The following SANBR variants were observed in gnomAD, a reference collection of about 807,000 sequenced individuals.
SANBR encodes SANT and BTB domain regulator of CSR.
In SANBR, 77 loss-of-function variants were observed where a neutral mutation model predicts 101.8. The ratio of observed to expected loss-of-function variants is 0.76; its 90% CI spans 0.63 to 0.91. SANBR has a LOEUF of 0.91. Ranked by LOEUF, SANBR falls within the 40% of genes least tolerant of loss-of-function variation. The probability of loss-of-function intolerance (pLI) is 0.00; values close to 1 mark genes in which losing one functional copy is unlikely to be tolerated. For missense variants in SANBR, 875 were observed against 853.0 expected (o/e 1.03, Z -0.32); for synonymous variants, 279 against 274.7 (o/e 1.02, Z -0.15).
intron 11 of SANBR, among the ~76,000 whole-genome samples, chr2:61,096,516 C>G (rs1573627771): frequency 6.6e-6 from 1 of 152,176 alleles, no homozygotes; most frequent in East Asian, 1.9e-4. Flanking sequence ...GTGGTCTTCC[C>G]CATCGCAAGC....
intron 10 of SANBR, among the ~76,000 whole-genome samples, chr2:61,091,593 CA>C (rs35588752): frequency 0.55 from 73,233 of 133,528 alleles, 18,703 homozygotes; most frequent in Middle Eastern, 0.68. Flanking sequence ...AAACTCCGTC[CA>C]AAAAAAAAAA....
At chr2:61,115,636 C>T (rs1684041367) in intron 16 of SANBR, among the ~76,000 whole-genome samples, 1 of 151,916 alleles carries the variant, frequency 6.6e-6, no homozygotes, top group South Asian at 2.1e-4. Flanking sequence ...TTCTTTCTTA[C>T]AGCTACTTGG....
Position 61,123,050 on chromosome 2 carries a change from G to C in SANBR, c.*888G>C, listed in dbSNP as rs998865565. ...GGTCTAAAATTTTCCAAATACATTA[G>C]ATAGGTGAAAATTTGCATATATTCA... On this transcript the variant is annotated 3_prime_UTR_variant, in exon 22 of 22. Coordinates refer to ENST00000402291, the MANE Select transcript of SANBR (RefSeq NM_001129993.3). 1 of 974,342 alleles carries C rather than the reference G, an allele frequency of 1.0e-6. No individual in the cohort carries two copies. The highest frequency in any genetic ancestry group is 1.2e-6 in the Non-Finnish European group (1 of 819,856). The allele number at this position is 974,342 out of a possible 1,614,324, so 60.4% of individuals were successfully genotyped here.
chr2:61,077,948 C>T (rs1681879692), intron 6 of SANBR, among the ~76,000 whole-genome samples: 1 of 152,164 alleles, frequency 6.6e-6, no homozygotes, highest in Admixed American at 6.6e-5. Flanking sequence ...CTGTCAGTGA[C>T]AAAATTCAAG....
intron 12 of SANBR, among the ~76,000 whole-genome samples, chr2:61,099,478 A>C (rs1461464801): frequency 6.6e-6 from 1 of 152,192 alleles, no homozygotes; most frequent in East Asian, 1.9e-4. Context: ...TGGTGGTGCC[A>C]TTCACTGAAG....
intron 16 of SANBR, among the ~76,000 whole-genome samples, chr2:61,109,577 C>T (rs922638333): frequency 6.6e-6 from 1 of 150,922 alleles, no homozygotes. Flanking sequence ...TGATCTGAGA[C>T]GTGTAGCTGA....
intron 13 of SANBR, among the ~76,000 whole-genome samples, chr2:61,104,385 G>A (rs1336701391): frequency 6.6e-6 from 1 of 151,946 alleles, no homozygotes; most frequent in African/African-American, 2.4e-5. Flanking sequence ...GGGAGGCTGA[G>A]GCAGGAGAAT....
At chr2:61,117,321 T>G (rs1684120254) in intron 17 of SANBR, 36 bp from the exon 18 acceptor site, 1 of 1,597,550 alleles carries the variant, frequency 6.3e-7, no homozygotes, top group Admixed American at 1.7e-5. Flanking sequence ...GTAAACATGT[T>G]CTAATTGGGC....
intron 15 of SANBR, 113 bp from the exon 16 acceptor site, chr2:61,109,084 T>G (rs553488460): frequency 2.1e-6 from 1 of 479,758 alleles, no homozygotes; most frequent in East Asian, 3.4e-5. Flanking sequence ...AGAGGTTATT[T>G]TATCAGCTCT....
At chr2:61,135,780 T>A (rs1684822684) in intron 21 of SANBR, among the ~76,000 whole-genome samples, 3 of 152,032 alleles carry the variant, frequency 2.0e-5, no homozygotes, top group African/African-American at 7.3e-5. Context: ...TAAGAGAAAT[T>A]ATAGCTAAAA....
chr2:61,069,493 TG>T (rs1165516381), intron 2 of SANBR, among the ~76,000 whole-genome samples: 1 of 152,150 alleles, frequency 6.6e-6, no homozygotes, highest in Non-Finnish European at 1.5e-5. Flanking sequence ...ATCTCTGCTT[TG>T]TACTCTCGTC....
intron 20 of SANBR, among the ~76,000 whole-genome samples, chr2:61,120,876 A>G (rs1454073882): frequency 6.6e-6 from 1 of 152,220 alleles, no homozygotes; most frequent in Admixed American, 6.5e-5. Context: ...AAACAGACAA[A>G]TAGTTGCCAG....
At chr2:61,069,279 C>G (rs2104837856) in intron 2 of SANBR, among the ~76,000 whole-genome samples, 1 of 152,170 alleles carries the variant, frequency 6.6e-6, no homozygotes, top group East Asian at 1.9e-4. Context: ...ATACTTATAT[C>G]ATCTTCAAAG....
chr2:61,106,462 T>C (rs1683572512), intron 13 of SANBR, 101 bp from the exon 14 acceptor site: 2 of 775,942 alleles, frequency 2.6e-6, no homozygotes, highest in African/African-American at 1.8e-5. Flanking sequence ...GAACTGTATT[T>C]CTAAAAAGCG....
chr2:61,126,898 C>G (rs1684530605), downstream of SANBR, among the ~76,000 whole-genome samples: 1 of 151,984 alleles, frequency 6.6e-6, no homozygotes, highest in African/African-American at 2.4e-5. Context: ...TCCCACTTTT[C>G]TGTTCCTTGA....
chr2:61,088,079 A>C, intron 8 of SANBR, 80 bp from the exon 9 acceptor site: 1 of 702,570 alleles, frequency 1.4e-6, no homozygotes, highest in Non-Finnish European at 2.4e-6. Flanking sequence ...TTATTTTACA[A>C]ATGCACAGAT....
At chr2:61,067,686 A>T (rs1681252647) in intron 1 of SANBR, among the ~76,000 whole-genome samples, 1 of 152,176 alleles carries the variant, frequency 6.6e-6, no homozygotes, top group Admixed American at 6.5e-5. Context: ...CAGTGAGCCG[A>T]GATCGCGCCA....
intron 1 of SANBR, among the ~76,000 whole-genome samples, chr2:61,066,966 A>G (rs1282040048): frequency 6.6e-6 from 1 of 152,168 alleles, no homozygotes; most frequent in Non-Finnish European, 1.5e-5. Context: ...TATTTTATGA[A>G]TGGGAGTGGA....
chr2:61,137,425 G>A (rs1684885337), intron 21 of SANBR: 1 of 152,272 alleles, frequency 6.6e-6, no homozygotes, highest in Non-Finnish European at 1.5e-5. Context: ...CTTTACTGTA[G>A]TTATCTGAAG....
Sources: allele counts gnomAD v4.1 joint callset (sites outside exome capture counted in the v4.1 genomes callset), GRCh38; gene constraint gnomAD v4.1.1; transcripts MANE v1.5; gene names NCBI Gene and HGNC (gene_info 2026-07-23, HGNC 2026-07-21).